The following KRI1 variants were observed in gnomAD, a reference collection of about 807,000 sequenced individuals.
KRI1 encodes the protein protein KRI1 homolog.
KRI1 carries 83 observed loss-of-function variants against 97.0 expected under a neutral mutation model. That is an observed-to-expected ratio of 0.86 (90% confidence interval 0.72 to 1.03). KRI1 has a LOEUF of 1.03. Among genes scored for constraint, KRI1 ranks in the 50% least tolerant of loss-of-function variants. The pLI, the probability that KRI1 is intolerant of heterozygous loss-of-function variation, is 0.00. For synonymous variants in KRI1, 371 were observed against 363.5 expected (o/e 1.02, Z -0.23); for missense variants, 916 against 928.4 (o/e 0.99, Z 0.17).
intron 3 of KRI1, among the ~76,000 whole-genome samples, chr19:10,563,887 T>C (rs2144732362): frequency 6.6e-6 from 1 of 152,190 alleles, no homozygotes; most frequent in East Asian, 1.9e-4. Context: ...CTCACGCCTG[T>C]AATCCTAGCA....
chr19:10,564,701 C>T (rs930406965), intron 3 of KRI1, among the ~76,000 whole-genome samples: 1 of 152,184 alleles, frequency 6.6e-6, no homozygotes, highest in Non-Finnish European at 1.5e-5. Context: ...GGACTTGTGA[C>T]TTGTGAAGCA....
At chr19:10,564,869 G>A in intron 3 of KRI1, 60 bp downstream of exon 3, 4 of 1,087,666 alleles carry the variant, frequency 3.7e-6, no homozygotes, top group Non-Finnish European at 5.7e-6. Flanking sequence ...CCACAGTCAG[G>A]AAAGGACCCC....
Position 10,560,446 on chromosome 19 carries a change from CG to C in KRI1, c.665del (p.Thr222SerfsTer67). On this transcript the variant is annotated frameshift_variant and splice_region_variant, in exon 9 of 19. Coordinates refer to ENST00000312962, the MANE Select transcript of KRI1 (RefSeq NM_023008.5). LOFTEE classifies it high-confidence loss of function. ...IRNPDSLKEL[T>X]HLKEYWNDPE... The stretch of plus-strand genomic sequence containing the variant: ...GGTCGTTCCAGTATTCCTTGAGATG[CG>C]TCTGGGGGTGACAGGAGACAGGACT... 1 of 1,605,850 alleles carries C rather than the reference CG, an allele frequency of 6.2e-7. No individual in the cohort carries two copies. The highest frequency in any genetic ancestry group is 8.5e-7 in the Non-Finnish European group (1 of 1,175,448).
chr19:10,562,621 C>T, intron 4 of KRI1, 108 bp downstream of exon 4: 1 of 712,690 alleles, frequency 1.4e-6, no homozygotes, highest in Non-Finnish European at 2.6e-6. Flanking sequence ...GCATGAGCCA[C>T]CATGCCCGGC....
At chr19:10,558,475 C>G (rs573169617) in intron 12 of KRI1, among the ~76,000 whole-genome samples, 1 of 152,178 alleles carries the variant, frequency 6.6e-6, no homozygotes, top group African/African-American at 2.4e-5. Context: ...CACATATCCA[C>G]AGTTCTTCGC....
chr19:10,555,268 G>T lies in KRI1; in HGVS notation c.1682+17C>A. ...TGCCCCCTGCGCATGTGGCCCCGCCGCGCCCCGCCCCATCACCTGTACATG... is the reference window on the plus strand; with the variant it reads ...TGCCCCCTGCGCATGTGGCCCCGCCTCGCCCCGCCCCATCACCTGTACATG... On this transcript the variant is annotated intron_variant, in intron 17 of 18. Coordinates refer to ENST00000312962, the MANE Select transcript of KRI1 (RefSeq NM_023008.5). 1 of 847,456 alleles carries T rather than the reference G, an allele frequency of 1.2e-6. No individual in the cohort carries two copies. The highest frequency in any genetic ancestry group is 1.6e-6 in the Non-Finnish European group (1 of 631,072). 52.5% of individuals were successfully genotyped at this position (847,456 alleles called of 1,614,324 possible).
At chr19:10,561,303 C>G in intron 6 of KRI1, 38 bp from the exon 7 acceptor site, 1 of 1,565,092 alleles carries the variant, frequency 6.4e-7, no homozygotes, top group Non-Finnish European at 8.8e-7. Context: ...GACAGGCAGG[C>G]TGGCCCCTGT....
Position 10,553,706 on chromosome 19 carries a change from G to C in KRI1, c.*245C>G, listed in dbSNP as rs1916393170. On this transcript the variant is annotated 3_prime_UTR_variant, in exon 19 of 19. Transcript: ENST00000312962. Reference sequence around the variant, plus strand: ...TCTTCCTTCCCCAGCCTCCTGAGTAGCTGGGACTACAGGCATGTGTCACCA... The same window carrying C: ...TCTTCCTTCCCCAGCCTCCTGAGTACCTGGGACTACAGGCATGTGTCACCA... 2.1e-6 allele frequency: 1 copy of C among 468,316 alleles called. No homozygotes were observed. 29.0% of individuals were successfully genotyped at this position (468,316 alleles called of 1,614,324 possible). A position where few individuals can be genotyped will look rare whatever the true frequency, so the allele number is the denominator to read the frequency against.
chr19:10,554,315 T>C (rs1219578269), intron 18 of KRI1, 34 bp from the exon 19 acceptor site: 2 of 1,579,180 alleles, frequency 1.3e-6, no homozygotes, highest in Admixed American at 3.4e-5. Flanking sequence ...AGCCCAGGCC[T>C]GTCAAGATCA....
chr19:10,554,230 G>A lies in KRI1; in HGVS notation c.1833C>T (p.Gly611=), dbSNP rs1170287219. 14 of 1,613,898 alleles carry A rather than the reference G, an allele frequency of 8.7e-6. No homozygotes were observed. The highest frequency in any genetic ancestry group is 1.1e-5 in the South Asian group (1 of 91,092). Residue 611 remains glycine, a synonymous_variant, in exon 19 of 19, where the codon GGC becomes GGT. Coordinates refer to ENST00000312962, the MANE Select transcript of KRI1 (RefSeq NM_023008.5). ...ATGKPQRDEA[G]PQRQLPALDG... ...CAAGGGCTGGCAGCTGCCTCTGTGG[G>A]CCGGCTTCATCTCTCTGTGGCTTCC... is the stretch of plus-strand genomic sequence containing the variant.
In KRI1 at chr19:10,559,604, C is replaced by T. The variant is rs201807816; in HGVS notation, c.1023+9G>A. On this transcript the variant is annotated intron_variant, in intron 11 of 18. Transcript: ENST00000312962. ...GGGGGGTCCTCCCCAGCTCACCCCCCACACTCACCCTCTTCTTTCGCTCCC... is the reference window on the plus strand; with the variant it reads ...GGGGGGTCCTCCCCAGCTCACCCCCTACACTCACCCTCTTCTTTCGCTCCC... The T allele has an allele frequency of 3.1e-6, 5 of 1,613,962 alleles. No individual in the cohort carries two copies. Among genetic ancestry groups the T allele is most frequent in the Non-Finnish European group, 3.4e-6 (4 of 1,179,992 alleles).
rs770463849 is a variant in KRI1, at chr19:10,553,107, TTTTA to T, written c.*840_*843del. 4.1e-5 allele frequency: 63 copies of T among 1,546,614 alleles called. No individual in the cohort carries two copies. Among genetic ancestry groups the T allele is most frequent in the South Asian group, 2.1e-4 (18 of 86,628 alleles). ...GGGAAAGATACAACACTATTTATTT[TTTTA>T]TTTATGTCATGTCGGGTGTGGGATC... On this transcript the variant is annotated 3_prime_UTR_variant, in exon 19 of 19. Transcript: ENST00000312962.
chr19:10,565,865 C>A lies in KRI1; in HGVS notation c.94+41G>T, dbSNP rs777954038. On this transcript the variant is annotated intron_variant, in intron 1 of 18. Coordinates refer to ENST00000312962, the MANE Select transcript of KRI1 (RefSeq NM_023008.5). ...CTCGACTCCCCACTTCCCAACCGGC[C>A]GGCGCGCGCAGGCTCCCGCGCGCAT... 9.8e-6 allele frequency: 15 copies of A among 1,534,518 alleles called. No individual in the cohort carries two copies. The African/African-American group carries it at 1.8e-4, about 19-fold the overall frequency.
In KRI1 at chr19:10,553,420, C is replaced by T. The variant is rs891982155; in HGVS notation, c.*531G>A. ...GGCCAATAAAGCTGTGTAACTTGAT[C>T]GTGGGTGTGGCTGGGCGCAGCGTTC... is the stretch of plus-strand genomic sequence containing the variant. On this transcript the variant is annotated 3_prime_UTR_variant, in exon 19 of 19. Transcript: ENST00000312962. The T allele has an allele frequency of 4.0e-5, 9 of 227,590 alleles. No homozygotes were observed. The highest frequency in any genetic ancestry group is 6.1e-5 in the Non-Finnish European group (7 of 115,108). The allele number at this position is 227,590 out of a possible 1,614,324, so 14.1% of individuals were successfully genotyped here. A position where few individuals can be genotyped will look rare whatever the true frequency, so the allele number is the denominator to read the frequency against.
chr19:10,555,849 C>T (rs548682859), intron 16 of KRI1, among the ~76,000 whole-genome samples: 67 of 152,332 alleles, frequency 4.4e-4, no homozygotes, highest in African/African-American at 1.6e-3. Flanking sequence ...CACCTTCAGC[C>T]GTCATCAGTC....
rs773923897 is a variant in KRI1, at chr19:10,559,560, T to C, written c.1024-31A>G. ...GGCCCAGGCAGAGAGGGGGAGGGCA[T>C]GGGCTTTCCTCCAGGGCTGGGGGGT... On this transcript the variant is annotated intron_variant, in intron 11 of 18. Transcript: ENST00000312962. 3.1e-6 allele frequency: 5 copies of C among 1,613,696 alleles called. No homozygotes were observed. The South Asian group carries it at 3.3e-5, about 11-fold the overall frequency.
chr19:10,559,979 A>AGGT, intron 9 of KRI1, 43 bp from the exon 10 acceptor site: 1 of 1,598,714 alleles, frequency 6.3e-7, no homozygotes, highest in Non-Finnish European at 8.5e-7. Flanking sequence ...CAGCCAAGTG[A>AGGT]GGTCGAGCCC....
chr19:10,560,991 G>A lies in KRI1; in HGVS notation c.663+12C>T, dbSNP rs569801629. 1.1e-5 allele frequency: 18 copies of A among 1,607,108 alleles called. No individual in the cohort carries two copies. The highest frequency in any genetic ancestry group is 8.8e-5 in the South Asian group (8 of 90,964). On this transcript the variant is annotated intron_variant, in intron 8 of 18. Coordinates refer to ENST00000312962, the MANE Select transcript of KRI1 (RefSeq NM_023008.5). ...CGGTCTACTCCATCAGCGACCATGC[G>A]TGAGAACTCACCAGTTCCTTCAGGG...
chr19:10,557,587 C>T lies in KRI1; in HGVS notation c.1582G>A (p.Val528Met). 1 of 1,614,210 alleles carries T rather than the reference C, an allele frequency of 6.2e-7. No individual in the cohort carries two copies. The highest frequency in any genetic ancestry group is 8.5e-7 in the Non-Finnish European group (1 of 1,180,016). ...CTGAGGCCAAAGTCACAGGGCACCA[C>T]TGTGCGGTACTTGAAGCGACAGGGC... ...DLPCRFKYRT[V>M]VPCDFGLSTE... Residue 528 changes from valine (V) to methionine (M), a missense_variant, in exon 16 of 19, where the codon GTG (valine) becomes ATG (methionine). Physicochemically the swap from Val to Met is conservative, Grantham distance 21 (BLOSUM62 1). Coordinates refer to ENST00000312962, the MANE Select transcript of KRI1 (RefSeq NM_023008.5).
Sources: gnomAD v4.1 joint callset for allele counts (sites outside exome capture counted in the v4.1 genomes callset) on GRCh38, gnomAD v4.1.1 for gene constraint, MANE v1.5 for transcripts, NCBI Gene and HGNC (gene_info 2026-07-23, HGNC 2026-07-21) for gene names.